MBD5: variants seen among roughly 807,000 people sequenced by gnomAD.
MBD5 encodes methyl-CpG-binding domain protein 5.
In MBD5, 13 loss-of-function variants were observed where a neutral mutation model predicts 117.3. The ratio of observed to expected loss-of-function variants is 0.11; its 90% CI spans 0.07 to 0.18. The LOEUF (loss-of-function observed/expected upper bound fraction) is 0.18. Ranked by LOEUF, MBD5 falls within the 10% of genes least tolerant of loss-of-function variation. The pLI is 1.00. For synonymous variants in MBD5, 727 were observed against 766.4 expected (o/e 0.95, Z 0.85); for missense variants, 1,879 against 2,093.8 (o/e 0.90, Z 2.00).
chr2:148,173,285 G>A (rs890811907), intron 1 of MBD5, among the ~76,000 whole-genome samples: 2 of 152,312 alleles, frequency 1.3e-5, no homozygotes, highest in South Asian at 2.1e-4. Flanking sequence ...TGTGTTCCCA[G>A]GTGTCTCCGG....
rs770469734 is a variant in MBD5, at chr2:148,469,556, G to C, written c.1613G>C (p.Ser538Thr). ...AGTAATGTACTAAATACCCCAAGCA[G>C]TGCAGCTTTTCCTACTGCATCTGCC... is the stretch of plus-strand genomic sequence containing the variant. ...GISNVLNTPS[S>T]AAFPTASAGS... Residue 538 changes from serine to threonine, a missense_variant, in exon 8 of 14, where the codon AGT becomes ACT. Ser to Thr is a moderately conservative substitution (Grantham distance 58). Transcript: ENST00000642680. The C allele has an allele frequency of 3.7e-6, 6 of 1,613,714 alleles. No individual in the cohort carries two copies. Among genetic ancestry groups the C allele is most frequent in the Non-Finnish European group, 5.1e-6 (6 of 1,179,922 alleles).
chr2:148,323,456 C>T (rs1370311094), intron 3 of MBD5, among the ~76,000 whole-genome samples: 6 of 151,992 alleles, frequency 3.9e-5, no homozygotes, highest in Non-Finnish European at 5.9e-5. Flanking sequence ...GTTTACAGTC[C>T]CACCAACAGT....
intron 4 of MBD5, among the ~76,000 whole-genome samples, chr2:148,345,362 CATATACAT>C (rs1418888721): frequency 2.1e-5 from 3 of 146,264 alleles, no homozygotes; most frequent in East Asian, 2.1e-4. Context: ...CACATATACA[CATATACAT>C]ATACACATAT....
chr2:148,386,424 G>A (rs1043702086), intron 4 of MBD5, among the ~76,000 whole-genome samples: 1 of 152,078 alleles, frequency 6.6e-6, no homozygotes, highest in African/African-American at 2.4e-5. Context: ...AAGATAAGAA[G>A]ATACTTTATG....
intron 4 of MBD5, among the ~76,000 whole-genome samples, chr2:148,390,453 GTA>G (rs1297343839): frequency 1.3e-5 from 2 of 150,228 alleles, no homozygotes; most frequent in East Asian, 3.9e-4. Flanking sequence ...ATATATGTAA[GTA>G]TATATATGTG....
intron 4 of MBD5, among the ~76,000 whole-genome samples, chr2:148,400,917 G>T (rs1704899888): frequency 6.6e-6 from 1 of 152,010 alleles, no homozygotes; most frequent in Non-Finnish European, 1.5e-5. Flanking sequence ...ATGTTTATTT[G>T]AATAGCACTG....
chr2:148,155,011 A>G (rs1697832212), intron 1 of MBD5, among the ~76,000 whole-genome samples: 1 of 152,226 alleles, frequency 6.6e-6, no homozygotes, highest in African/African-American at 2.4e-5. Flanking sequence ...AAGGTGCAAT[A>G]GTGATATAAA....
chr2:148,371,847 A>G (rs1180622450), intron 4 of MBD5, among the ~76,000 whole-genome samples: 2 of 152,136 alleles, frequency 1.3e-5, no homozygotes, highest in Non-Finnish European at 1.5e-5. Context: ...TGAACTTCCT[A>G]TAAAAACATC....
At chr2:148,303,076 G>A (rs1413715769) in intron 3 of MBD5, among the ~76,000 whole-genome samples, 1 of 151,844 alleles carries the variant, frequency 6.6e-6, no homozygotes, top group Admixed American at 6.6e-5. Context: ...AATAATGATT[G>A]CAGATTGCCA....
At chr2:148,394,642 A>G (rs1157398852) in intron 4 of MBD5, among the ~76,000 whole-genome samples, 1 of 145,032 alleles carries the variant, frequency 6.9e-6, no homozygotes, top group Non-Finnish European at 1.5e-5. Flanking sequence ...TGCTTATGTT[A>G]TTAATATTTT....
In MBD5 at chr2:148,470,320, T is replaced by C. The variant is rs1471614985; in HGVS notation, c.2377T>C (p.Cys793Arg). Reference sequence around the variant, plus strand: ...AAATCAGATTCAGGCTAGCGGGAACTGTGGGATGCTCAGTCAGTCGGGCAT... The same window carrying C: ...AAATCAGATTCAGGCTAGCGGGAACCGTGGGATGCTCAGTCAGTCGGGCAT... ...LINQIQASGNCGMLSQSGMAL... is the reference protein window; with the variant it reads ...LINQIQASGNRGMLSQSGMAL... Residue 793 changes from cysteine (C) to arginine (R), a missense_variant, in exon 8 of 14, where the codon TGT (cysteine) becomes CGT (arginine). Around this residue, in one of 4 missense-constraint regions of MBD5, gnomAD observed 1,666 missense variants for 1,792.2 expected, o/e 0.93. Transcript: ENST00000642680. 2 of 1,613,866 alleles carry C rather than the reference T, an allele frequency of 1.2e-6. No homozygotes were observed. Among genetic ancestry groups the C allele is most frequent in the Non-Finnish European group, 1.7e-6 (2 of 1,179,910 alleles).
intron 1 of MBD5, among the ~76,000 whole-genome samples, chr2:148,050,848 A>C (rs772460082): frequency 2.6e-5 from 4 of 152,014 alleles, no homozygotes; most frequent in Non-Finnish European, 4.4e-5. Context: ...GTGTTTCCTT[A>C]CTATAGTTTT....
intron 8 of MBD5, among the ~76,000 whole-genome samples, chr2:148,478,191 G>A (rs1321143527): frequency 6.6e-6 from 1 of 152,106 alleles, no homozygotes; most frequent in East Asian, 1.9e-4. Context: ...ATTAATATTA[G>A]GAAAATATCC....
chr2:148,028,837 C>G (rs980231161), intron 1 of MBD5, among the ~76,000 whole-genome samples: 1 of 151,986 alleles, frequency 6.6e-6, no homozygotes, highest in South Asian at 2.1e-4. Flanking sequence ...CTGTAATATT[C>G]AGAGGCTATT....
intron 1 of MBD5, among the ~76,000 whole-genome samples, chr2:148,050,678 A>T (rs1392564659): frequency 1.3e-5 from 2 of 152,110 alleles, no homozygotes; most frequent in Non-Finnish European, 2.9e-5. Flanking sequence ...CCCCCATTGA[A>T]TTGCCCTAGC....
intron 2 of MBD5, among the ~76,000 whole-genome samples, chr2:148,207,547 T>C (rs1699315852): frequency 6.6e-6 from 1 of 151,718 alleles, no homozygotes; most frequent in South Asian, 2.1e-4. Flanking sequence ...TAACAGATCA[T>C]TCGAGGGTGG....
chr2:148,114,607 T>C (rs965553241), intron 1 of MBD5, among the ~76,000 whole-genome samples: 4 of 152,248 alleles, frequency 2.6e-5, no homozygotes, highest in African/African-American at 9.6e-5. Flanking sequence ...GTTTAAATAC[T>C]GTCTGAGAAT....
intron 2 of MBD5, among the ~76,000 whole-genome samples, chr2:148,225,854 G>C (rs181556702): frequency 6.6e-6 from 1 of 152,064 alleles, no homozygotes; most frequent in Non-Finnish European, 1.5e-5. Flanking sequence ...ATGCTATTTC[G>C]TTTTTCTTGC....
At chr2:148,287,475 A>T (rs1322089920) in intron 3 of MBD5, among the ~76,000 whole-genome samples, 1 of 152,230 alleles carries the variant, frequency 6.6e-6, no homozygotes. Flanking sequence ...TTATGCTGAT[A>T]GAACTTTTGA....
Sources: allele counts gnomAD v4.1 joint callset (sites outside exome capture counted in the v4.1 genomes callset), GRCh38; gene constraint gnomAD v4.1.1; regional missense constraint gnomAD v4.1.1; transcripts MANE v1.5; gene names NCBI Gene and HGNC (gene_info 2026-07-23, HGNC 2026-07-21).